ERMAP: variants seen among roughly 807,000 people sequenced by gnomAD.
The protein encoded by ERMAP is erythroid membrane-associated protein.
Under a neutral mutation model 49.5 loss-of-function variants are expected in ERMAP, and 34 were observed. That is an observed-to-expected ratio of 0.69 (90% confidence interval 0.52 to 0.91). The LOEUF (loss-of-function observed/expected upper bound fraction) is 0.91, where lower values mean the gene tolerates loss of function less well. ERMAP is among the 40% of genes least tolerant of loss of function. ERMAP has a pLI of 0.00. For synonymous variants in ERMAP, 214 were observed against 232.2 expected, an observed-to-expected ratio of 0.92 and a Z score of 0.71; for missense variants, 541 against 582.6, an observed-to-expected ratio of 0.93 and a Z score of 0.74.
At position 42,832,185 on chromosome 1, in the gene ERMAP, T is replaced by A. The variant is rs1007664329; in HGVS notation, c.433+1070T>A. Among the ~76,000 whole-genome samples the A allele has an allele frequency of 4.5e-5, 3 of 66,878 alleles. No homozygotes were observed. In the South Asian group the frequency reaches 1.7e-3, roughly 37 times the overall value. 43.9% of individuals were successfully genotyped at this position (66,878 alleles called of 152,430 possible). ...TCCTTTGGGGTGAAAATTAATTTTT[T>A]TTTTTTTTTTTTTTTTTTTTTTTGA... On this transcript the variant is annotated intron_variant, in intron 4 of 11. Coordinates refer to ENST00000372517, the MANE Select transcript of ERMAP (RefSeq NM_001017922.2).
Position 42,844,133 on chromosome 1 carries a change from T to C in ERMAP, c.*901T>C. 1 of 398,568 alleles carries C rather than the reference T, an allele frequency of 2.5e-6. No individual in the cohort carries two copies. The allele number at this position is 398,568 out of a possible 1,614,324, so 24.7% of individuals were successfully genotyped here. On this transcript the variant is annotated 3_prime_UTR_variant, in exon 12 of 12. Coordinates refer to ENST00000372517, the MANE Select transcript of ERMAP (RefSeq NM_001017922.2). This position sits in a 1 kb window ranked among gnomAD's most constrained non-coding sequence, Gnocchi z 4.0. ...AGTTTTAACCACCAACGTAGAAGCT[T>C]TTTTTTCCCCACAAGACCATTGTAC...
At position 42,817,251 on chromosome 1, in the gene ERMAP, A is replaced by C; in HGVS notation, c.-124A>C. The stretch of plus-strand genomic sequence containing the variant: ...CCGAGTCGCAGACAACGCCTCCGGG[A>C]GGGTAATCCTCGCCTTCCCCCGACC... On this transcript the variant is annotated splice_region_variant and 5_prime_UTR_variant, in exon 1 of 12. Transcript: ENST00000372517. 1 of 1,252,124 alleles carries C rather than the reference A, an allele frequency of 8.0e-7. No homozygotes were observed. 77.6% of individuals were successfully genotyped at this position (1,252,124 alleles called of 1,614,324 possible). A position where few individuals can be genotyped will look rare whatever the true frequency, so the allele number is the denominator to read the frequency against.
chr1:42,827,731 C>T (rs183580459), intron 2 of ERMAP, among the ~76,000 whole-genome samples: 209 of 152,266 alleles, frequency 1.4e-3, no homozygotes, highest in Non-Finnish European at 2.1e-3. Context: ...ATGATAATCA[C>T]TCAGTAAAGT....
intron 8 of ERMAP, chr1:42,839,247 C>T (rs1654988647): frequency 2.3e-6 from 1 of 444,204 alleles, no homozygotes; most frequent in South Asian, 3.1e-5. Context: ...AGGACAGGAT[C>T]CTTATTAAAC....
intron 2 of ERMAP, 64 bp from the exon 3 acceptor site, chr1:42,830,380 G>A (rs1049220067): frequency 1.6e-5 from 23 of 1,466,522 alleles, no homozygotes; most frequent in Non-Finnish European, 2.1e-5. Context: ...CGGCTCCTGG[G>A]TTATACCCTC....
intron 1 of ERMAP, among the ~76,000 whole-genome samples, chr1:42,820,262 C>T (rs774686212): frequency 2.6e-5 from 4 of 151,858 alleles, no homozygotes; most frequent in Non-Finnish European, 4.4e-5. Context: ...ATGTTCTGAA[C>T]GTTCATAACA....
intron 2 of ERMAP, among the ~76,000 whole-genome samples, chr1:42,829,369 C>T (rs1276897583): frequency 6.6e-6 from 1 of 152,224 alleles, no homozygotes; most frequent in African/African-American, 2.4e-5. Context: ...TTTCCATGAC[C>T]TTCAGGGACT....
In ERMAP at chr1:42,843,191, C is replaced by T. The variant is rs1238138981; in HGVS notation, c.1387C>T (p.Leu463Phe). Residue 463 changes from leucine (L) to phenylalanine (F), a missense_variant, in exon 12 of 12, where the codon CTT (leucine) becomes TTT (phenylalanine). By Grantham distance (22) the Leu-to-Phe change is conservative. Transcript: ENST00000372517. Reference protein sequence around the residue: ...KDIILSLPPDLGPALQELKAP... With the variant: ...KDIILSLPPDFGPALQELKAP... ...TATAATCCTGTCCTTGCCCCCTGAC[C>T]TTGGCCCAGCCCTTCAGGAGCTCAA... The T allele has an allele frequency of 6.2e-7, 1 of 1,607,676 alleles. No individual in the cohort carries two copies. Among genetic ancestry groups the T allele is most frequent in the Non-Finnish European group, 8.5e-7 (1 of 1,177,396 alleles).
At chr1:42,821,975 T>C (rs1172608001) in intron 1 of ERMAP, among the ~76,000 whole-genome samples, 1 of 149,982 alleles carries the variant, frequency 6.7e-6, no homozygotes, top group Non-Finnish European at 1.5e-5. Flanking sequence ...ATTGTGCCTT[T>C]GCACTCCAGC....
At chr1:42,837,246 T>TGTCAAC in intron 7 of ERMAP, 56 bp downstream of exon 7, 1 of 1,552,150 alleles carries the variant, frequency 6.4e-7, no homozygotes, top group Non-Finnish European at 8.9e-7. Flanking sequence ...TTTATTTTTC[T>TGTCAAC]ATGTAAATGT....
At position 42,840,019 on chromosome 1, in the gene ERMAP, T is replaced by C. The variant is rs770207845; in HGVS notation, c.638-14T>C. 5.0e-6 allele frequency: 8 copies of C among 1,614,140 alleles called. No homozygotes were observed. The highest frequency in any genetic ancestry group is 6.8e-6 in the Non-Finnish European group (8 of 1,180,004). Reference sequence around the variant, plus strand: ...GCCCTCCTTCTGATTTGCCAAATTGTTTTCATTCTTTAGAGAAACTCCGGA... The same window carrying C: ...GCCCTCCTTCTGATTTGCCAAATTGCTTTCATTCTTTAGAGAAACTCCGGA... On this transcript the variant is annotated splice_polypyrimidine_tract_variant and intron_variant, in intron 8 of 11. Coordinates refer to ENST00000372517, the MANE Select transcript of ERMAP (RefSeq NM_001017922.2).
intron 1 of ERMAP, 50 bp downstream of exon 1, chr1:42,817,303 G>A (rs1459075330): frequency 4.2e-6 from 5 of 1,190,372 alleles, no homozygotes; most frequent in East Asian, 9.1e-5. Flanking sequence ...CCTGCCCACC[G>A]CCCCTCGTCC....
intron 1 of ERMAP, among the ~76,000 whole-genome samples, chr1:42,823,993 G>A (rs1654467208): frequency 6.6e-6 from 1 of 152,188 alleles, no homozygotes; most frequent in Non-Finnish European, 1.5e-5. Context: ...CACACATTAA[G>A]AACTGGTGCT....
chr1:42,839,082 A>C, intron 8 of ERMAP, 161 bp downstream of exon 8: 18 of 992,678 alleles, frequency 1.8e-5, no homozygotes, highest in Non-Finnish European at 2.7e-5. Flanking sequence ...CTCTTTTCTC[A>C]AGTATTCTCT....
intron 4 of ERMAP, among the ~76,000 whole-genome samples, chr1:42,831,555 GTTTTTTTTTTTTTTTTTCTCTTTTTT>G (rs1326324752): frequency 4.8e-5 from 2 of 41,962 alleles, no homozygotes; most frequent in Admixed American, 2.6e-4. Flanking sequence ...GAGAGATAGT[GTTTTTTTTTTTTTTTTTCTCTTTTTT>G]TTTTTTTTTT....
chr1:42,834,946 G>A, intron 4 of ERMAP, 92 bp from the exon 5 acceptor site: 1 of 749,532 alleles, frequency 1.3e-6, no homozygotes, highest in Non-Finnish European at 2.5e-6. Flanking sequence ...GATGGAGAGT[G>A]TTGGGATGTG....
intron 1 of ERMAP, among the ~76,000 whole-genome samples, chr1:42,818,153 A>T (rs1306688468): frequency 6.6e-6 from 1 of 152,242 alleles, no homozygotes; most frequent in Non-Finnish European, 1.5e-5. Context: ...CAACTGATAG[A>T]TGCTAAGCAA....
chr1:42,820,415 G>C (rs1489504244), intron 1 of ERMAP, among the ~76,000 whole-genome samples: 1 of 149,300 alleles, frequency 6.7e-6, no homozygotes, highest in Non-Finnish European at 1.5e-5. Flanking sequence ...AATAGAGACA[G>C]GGTCTCCCTA....
chr1:42,831,071 T>C lies in ERMAP; in HGVS notation c.389T>C (p.Val130Ala). The C allele has an allele frequency of 6.2e-6, 10 of 1,614,200 alleles. No homozygotes were observed. Among genetic ancestry groups the C allele is most frequent in the Non-Finnish European group, 8.5e-6 (10 of 1,180,028 alleles). ...DQGSYRCLIQ[V>A]GNLSKEDTVI... is the part of the protein sequence containing the mutation. The stretch of plus-strand genomic sequence containing the variant: ...GGGTCTTACCGATGTCTGATCCAAG[T>C]TGGAAATCTGAGTAAAGAGGACACC... Residue 130 changes from valine (V) to alanine (A), a missense_variant, in exon 4 of 12, where the codon GTT becomes GCT. Val to Ala is a moderately conservative substitution (Grantham distance 64, BLOSUM62 0). Transcript: ENST00000372517.
Sources: allele counts gnomAD v4.1 joint callset (sites outside exome capture counted in the v4.1 genomes callset), GRCh38; gene constraint gnomAD v4.1.1; non-coding constraint Gnocchi (gnomAD v3.1); transcripts MANE v1.5; gene names NCBI Gene and HGNC (gene_info 2026-07-23, HGNC 2026-07-21).